ZBTB20: variants seen among roughly 807,000 people sequenced by gnomAD.
The protein encoded by ZBTB20 is zinc finger and BTB domain-containing protein 20.
Under a neutral mutation model 56.9 loss-of-function variants are expected in ZBTB20, and 9 were observed. The observed-to-expected ratio is 0.16, with a 90% CI of 0.10 to 0.28. The LOEUF (loss-of-function observed/expected upper bound fraction) is 0.28, where lower values mean the gene tolerates loss of function less well. Among genes scored for constraint, ZBTB20 ranks in the 10% least tolerant of loss-of-function variants. The pLI is 1.00. For synonymous variants in ZBTB20, 417 were observed against 420.7 expected, an observed-to-expected ratio of 0.99 and a Z score of 0.11; for missense variants, 655 against 1,003.0, an observed-to-expected ratio of 0.65 and a Z score of 4.69.
chr3:114,935,156 T>A (rs2076491595), intron 3 of ZBTB20, among the ~76,000 whole-genome samples: 1 of 152,210 alleles, frequency 6.6e-6, no homozygotes, highest in Admixed American at 6.5e-5. Flanking sequence ...GTCTGCAAAA[T>A]ACTTTGAAAC....
At position 114,319,565 on chromosome 3, in the gene ZBTB20, G is replaced by A. The variant is rs1055404091; in HGVS notation, c.*19440C>T. Reference sequence around the variant, plus strand: ...TTACTGTGCATTTGTATGGGTAAACGGGCCAGTTTGGTATTGGGGAATGTT... The same window carrying A: ...TTACTGTGCATTTGTATGGGTAAACAGGCCAGTTTGGTATTGGGGAATGTT... On this transcript the variant is annotated 3_prime_UTR_variant, in exon 12 of 12. Coordinates refer to ENST00000675478, the MANE Select transcript of ZBTB20 (RefSeq NM_001348800.3). 1.3e-5 allele frequency: 2 copies of A among 152,064 alleles called. No individual in the cohort carries two copies. Among genetic ancestry groups the A allele is most frequent in the Admixed American group, 6.6e-5 (1 of 15,262 alleles). The allele number at this position is 152,064 out of a possible 1,614,324, so 9.4% of individuals were successfully genotyped here.
chr3:114,398,575 G>A (rs1483131416), intron 7 of ZBTB20, among the ~76,000 whole-genome samples: 1 of 152,118 alleles, frequency 6.6e-6, no homozygotes, highest in East Asian at 1.9e-4. Flanking sequence ...CCGTTCTTAG[G>A]TGAAAGTAAG....
intron 6 of ZBTB20, among the ~76,000 whole-genome samples, chr3:114,653,503 T>G (rs985685496): frequency 6.6e-6 from 1 of 151,980 alleles, no homozygotes; most frequent in African/African-American, 2.4e-5. Context: ...TTTTTACTTT[T>G]TATTGTTGAA....
In ZBTB20 at chr3:115,086,196, A is replaced by G. The variant is rs2082979590; in HGVS notation, c.-702-14782T>C. On this transcript the variant is annotated intron_variant, in intron 1 of 11. Coordinates refer to ENST00000675478, the MANE Select transcript of ZBTB20 (RefSeq NM_001348800.3). ...CCCGGGATTACCTAAACTAACTACA[A>G]TTTTATGCTTTTAGGTCACTGTCAT... is the stretch of plus-strand genomic sequence containing the variant. 2.0e-5 allele frequency among the ~76,000 whole-genome samples: 3 copies of G among 151,800 alleles called. No individual in the cohort carries two copies. The Admixed American group carries it at 2.0e-4, about 10-fold the overall frequency.
chr3:114,422,905 C>A (rs923316989), intron 7 of ZBTB20, among the ~76,000 whole-genome samples: 1 of 152,078 alleles, frequency 6.6e-6, no homozygotes, highest in African/African-American at 2.4e-5. Context: ...ACCTTTACAG[C>A]AGCATGACCA....
chr3:114,583,172 A>G (rs1488079880), intron 6 of ZBTB20, among the ~76,000 whole-genome samples: 1 of 152,216 alleles, frequency 6.6e-6, no homozygotes, highest in East Asian at 1.9e-4. Context: ...TGAAAAGCAA[A>G]GTTTTATTCC....
chr3:115,125,003 C>T (rs903732389), intron 1 of ZBTB20, among the ~76,000 whole-genome samples: 38 of 151,634 alleles, frequency 2.5e-4, no homozygotes, highest in African/African-American at 8.5e-4. Context: ...AACAAACCTG[C>T]ACATGTACCC....
In ZBTB20 at chr3:114,696,134, C is replaced by T. The variant is rs149328453; in HGVS notation, c.-342-2559G>A. Among the ~76,000 whole-genome samples, 1,098 of 152,096 alleles carry T rather than the reference C, an allele frequency of 7.2e-3. 13 individuals are homozygous for T. Among genetic ancestry groups the T allele is most frequent in the African/African-American group, 0.024 (1,015 of 41,528 alleles). ...ATCACCCAGTTGTTAAAACAGAGAA[C>T]CTCACATTTGGGCAATAATAGTTTT... On this transcript the variant is annotated intron_variant, in intron 5 of 11. Coordinates refer to ENST00000675478, the MANE Select transcript of ZBTB20 (RefSeq NM_001348800.3).
At chr3:114,953,584 T>A (rs1027592498) in intron 3 of ZBTB20, among the ~76,000 whole-genome samples, 10 of 152,110 alleles carry the variant, frequency 6.6e-5, no homozygotes, top group Admixed American at 6.5e-4. Context: ...ACACAGTAGA[T>A]CTCAAAGTGA....
At chr3:114,673,894 G>A (rs1392677732) in intron 6 of ZBTB20, among the ~76,000 whole-genome samples, 1 of 152,064 alleles carries the variant, frequency 6.6e-6, no homozygotes, top group African/African-American at 2.4e-5. Context: ...GAAGTTCCAG[G>A]TAAATTTTGA....
At position 114,314,858 on chromosome 3, in the gene ZBTB20, TTAAA is replaced by T. The variant is rs1317290487; in HGVS notation, c.*24143_*24146del. ...TTTTTTTGAATGTTTTTTTTCCTGTTTAAATAACAAATACAAGTCACAGGTAAAT... is the reference window on the plus strand; with the variant it reads ...TTTTTTTGAATGTTTTTTTTCCTGTTTAACAAATACAAGTCACAGGTAAAT... On this transcript the variant is annotated 3_prime_UTR_variant, in exon 12 of 12. Coordinates refer to ENST00000675478, the MANE Select transcript of ZBTB20 (RefSeq NM_001348800.3). 6.6e-6 allele frequency: 1 copy of T among 152,102 alleles called. No homozygotes were observed. Among genetic ancestry groups the T allele is most frequent in the African/African-American group, 2.4e-5 (1 of 41,428 alleles). 9.4% of individuals were successfully genotyped at this position (152,102 alleles called of 1,614,324 possible). A position where few individuals can be genotyped will look rare whatever the true frequency, so the allele number is the denominator to read the frequency against.
chr3:114,821,835 T>A (rs1335108090), intron 4 of ZBTB20, among the ~76,000 whole-genome samples: 5 of 152,130 alleles, frequency 3.3e-5, no homozygotes, highest in African/African-American at 1.2e-4. Context: ...GTTCTGAGTT[T>A]CGGGTTTATG....
chr3:114,728,339 C>A, intron 5 of ZBTB20, among the ~76,000 whole-genome samples: 1 of 152,004 alleles, frequency 6.6e-6, no homozygotes, highest in East Asian at 1.9e-4. Flanking sequence ...TAATAGTATA[C>A]CCATTAGAAG....
At chr3:114,962,663 A>C (rs552532376) in intron 3 of ZBTB20, among the ~76,000 whole-genome samples, 5 of 152,316 alleles carry the variant, frequency 3.3e-5, no homozygotes, top group African/African-American at 4.8e-5. Flanking sequence ...AGATTATTAA[A>C]TAGTAGCAGG....
At chr3:114,718,300 A>G (rs2064651115) in intron 5 of ZBTB20, among the ~76,000 whole-genome samples, 1 of 152,134 alleles carries the variant, frequency 6.6e-6, no homozygotes, top group African/African-American at 2.4e-5. Context: ...TAACCTGAAT[A>G]TGTTTTCTGT....
chr3:114,595,301 TG>T (rs1274266780), intron 6 of ZBTB20, among the ~76,000 whole-genome samples: 2 of 152,230 alleles, frequency 1.3e-5, no homozygotes, highest in Non-Finnish European at 1.5e-5. Flanking sequence ...TACAAAAGGC[TG>T]GCTCATAATT....
chr3:114,352,818 A>G (rs1051742378), intron 10 of ZBTB20, among the ~76,000 whole-genome samples: 2 of 152,216 alleles, frequency 1.3e-5, no homozygotes, highest in Non-Finnish European at 2.9e-5. Flanking sequence ...TAATTAGGCC[A>G]GGATAGCAGG....
intron 6 of ZBTB20, among the ~76,000 whole-genome samples, chr3:114,614,295 G>T (rs1242492852): frequency 6.6e-6 from 1 of 152,124 alleles, no homozygotes; most frequent in Non-Finnish European, 1.5e-5. Flanking sequence ...GAGTATTGGG[G>T]TAACATATAT....
At chr3:114,528,467 T>C (rs2047479450) in intron 6 of ZBTB20, among the ~76,000 whole-genome samples, 1 of 152,090 alleles carries the variant, frequency 6.6e-6, no homozygotes, top group African/African-American at 2.4e-5. Flanking sequence ...AAAGAAGAAA[T>C]ATGGGCTATA....
Sources: allele counts gnomAD v4.1 joint callset (sites outside exome capture counted in the v4.1 genomes callset), GRCh38; gene constraint gnomAD v4.1.1; transcripts MANE v1.5; gene names NCBI Gene and HGNC (gene_info 2026-07-23, HGNC 2026-07-21).